The following PRIM2 variants were observed in gnomAD, a reference collection of about 807,000 sequenced individuals.
PRIM2 encodes DNA primase large subunit.
Under a neutral mutation model 67.3 loss-of-function variants are expected in PRIM2, and 39 were observed. That is an observed-to-expected ratio of 0.58 (90% CI 0.45 to 0.76). PRIM2 has a LOEUF of 0.76. PRIM2 is among the 30% of genes least tolerant of loss of function. The probability of loss-of-function intolerance (pLI) is 0.00; values close to 1 mark genes in which losing one functional copy is unlikely to be tolerated. For synonymous variants in PRIM2, 143 were observed against 198.7 expected, an observed-to-expected ratio of 0.72 and a Z score of 2.36; for missense variants, 398 against 598.7, an observed-to-expected ratio of 0.66 and a Z score of 3.50.
In PRIM2 at chr6:57,638,692, A is replaced by G. The variant is rs1401679589; in HGVS notation, c.1299+6491A>G. ...GCATTACATAATGGTAAAGGGATCA[A>G]TGCAAAAAGAAGAGCTAACTATCCT... On this transcript the variant is annotated intron_variant, in intron 13 of 13. Transcript: ENST00000615550. Among the ~76,000 whole-genome samples, 4 of 152,116 alleles carry G rather than the reference A, an allele frequency of 2.6e-5. No individual in the cohort carries two copies. In the East Asian group the frequency reaches 7.7e-4, roughly 29 times the overall value.
the PRIM2 span, among the ~76,000 whole-genome samples, chr6:57,240,091 G>GTTTTTTTTTTTTTTT: frequency 1.6e-4 from 14 of 90,004 alleles, 1 homozygote; most frequent in African/African-American, 6.2e-4. Context: ...TCAATAATCT[G>GTTTTTTTTTTTTTTT]TTTTTTTTTT....
chr6:57,296,732 C>T, the PRIM2 span, among the ~76,000 whole-genome samples: 1 of 151,970 alleles, frequency 6.6e-6, no homozygotes, highest in African/African-American at 2.4e-5. Flanking sequence ...CACTACTGTA[C>T]CAACGAGCAT....
chr6:57,382,532 G>A (rs2127338530), intron 7 of PRIM2: 1 of 163,140 alleles, frequency 6.1e-6, no homozygotes, highest in South Asian at 1.9e-4. Flanking sequence ...TTTCTGTTCT[G>A]AATTAGTATT....
At position 57,418,383 on chromosome 6, in the gene PRIM2, G is replaced by GGTTTTTTT. The variant is rs1554336216; in HGVS notation, c.693+36215_693+36216insGTTTTTTT. Among the ~76,000 whole-genome samples the GGTTTTTTT allele has an allele frequency of 4.4e-3, 209 of 47,238 alleles. 51 individuals are homozygous for GGTTTTTTT. Among genetic ancestry groups the GGTTTTTTT allele is most frequent in the Non-Finnish European group, 7.2e-3 (169 of 23,324 alleles). 31.0% of individuals were successfully genotyped at this position (47,238 alleles called of 152,430 possible). On this transcript the variant is annotated intron_variant, in intron 7 of 13. Transcript: ENST00000615550. ...TAAGGTAATGTTTCCTATGTGTGTG[G>GGTTTTTTT]TTTTTTTTTTTTTTTTTTTTTTTTT...
chr6:57,354,925 C>G (rs1768976085), intron 5 of PRIM2, among the ~76,000 whole-genome samples: 1 of 152,222 alleles, frequency 6.6e-6, no homozygotes, highest in Non-Finnish European at 1.5e-5. Context: ...TTTCCTGGCT[C>G]TTTTTTCTTC....
At chr6:57,617,019 C>T (rs1776768304) in intron 12 of PRIM2, among the ~76,000 whole-genome samples, 1 of 152,302 alleles carries the variant, frequency 6.6e-6, no homozygotes, top group African/African-American at 2.4e-5. Context: ...TTGATGGACA[C>T]TGGGTTGTTT....
At chr6:57,296,318 T>C in the PRIM2 span, among the ~76,000 whole-genome samples, 1,487 of 151,798 alleles carry the variant, frequency 9.8e-3, 15 homozygotes, top group Middle Eastern at 0.027. Flanking sequence ...ATGGCAATTC[T>C]GCATCTACTT....
At chr6:57,510,468 A>G (rs1554347608) in intron 8 of PRIM2, among the ~76,000 whole-genome samples, 6 of 152,146 alleles carry the variant, frequency 3.9e-5, no homozygotes, top group Admixed American at 3.9e-4. Context: ...GAGTATGGTA[A>G]TTGCCAGCTA....
intron 5 of PRIM2, among the ~76,000 whole-genome samples, chr6:57,368,145 A>G (rs1769427181): frequency 6.6e-6 from 1 of 152,204 alleles, no homozygotes; most frequent in Non-Finnish European, 1.5e-5. Context: ...TCACAGTTTT[A>G]ATTTCTTTAT....
intron 9 of PRIM2, among the ~76,000 whole-genome samples, chr6:57,535,952 T>C (rs1466723227): frequency 4.7e-4 from 72 of 152,284 alleles, no homozygotes; most frequent in African/African-American, 1.7e-3. Context: ...ATGTTGAATA[T>C]TGATTGTATG....
intron 12 of PRIM2, among the ~76,000 whole-genome samples, chr6:57,631,062 A>G (rs1777030862): frequency 6.6e-6 from 1 of 152,202 alleles, no homozygotes; most frequent in Non-Finnish European, 1.5e-5. Context: ...TAAGACAATC[A>G]GAGAAAAACA....
At chr6:57,304,062 G>A in the PRIM2 span, among the ~76,000 whole-genome samples, 2 of 152,154 alleles carry the variant, frequency 1.3e-5, no homozygotes, top group Non-Finnish European at 2.9e-5. Flanking sequence ...ATGCTTACCA[G>A]TACATTTTAA....
intron 5 of PRIM2, among the ~76,000 whole-genome samples, chr6:57,365,852 G>A (rs2127318003): frequency 6.7e-6 from 1 of 149,086 alleles, no homozygotes; most frequent in East Asian, 2.0e-4. Flanking sequence ...GTAATCCCAG[G>A]CTATTTGGGA....
the PRIM2 span, among the ~76,000 whole-genome samples, chr6:57,229,461 T>C: frequency 1.3e-5 from 2 of 151,174 alleles, no homozygotes; most frequent in Non-Finnish European, 2.9e-5. Context: ...TTTTAATCTT[T>C]TTTTGCATTA....
chr6:57,247,609 GA>G, the PRIM2 span, among the ~76,000 whole-genome samples: 4 of 152,212 alleles, frequency 2.6e-5, no homozygotes, highest in Non-Finnish European at 5.9e-5. Context: ...CTGCAGAAGA[GA>G]TGCAAATGTT....
Position 57,442,595 on chromosome 6 carries a change from A to C in PRIM2, c.693+60427A>C, listed in dbSNP as rs9475956. ...CCTCCTTTTGTCACCTAATTTAATC[A>C]TGGTGGTATTTTTTTGGTTCTGTCA... On this transcript the variant is annotated intron_variant, in intron 7 of 13. Coordinates refer to ENST00000615550, the MANE Select transcript of PRIM2 (RefSeq NM_000947.5). Among the ~76,000 whole-genome samples the C allele has an allele frequency of 3.3e-5, 5 of 152,202 alleles. No homozygotes were observed. The South Asian group carries it at 8.3e-4, about 25-fold the overall frequency.
chr6:57,412,584 A>G, intron 7 of PRIM2, among the ~76,000 whole-genome samples: 1 of 151,942 alleles, frequency 6.6e-6, no homozygotes, highest in Non-Finnish European at 1.5e-5. Flanking sequence ...AGCTGGTTCA[A>G]CTCTTCAATT....
chr6:57,628,930 G>A (rs1252403997), intron 12 of PRIM2, among the ~76,000 whole-genome samples: 100 of 152,138 alleles, frequency 6.6e-4, no homozygotes, highest in South Asian at 2.1e-3. Context: ...CTTGGATTTT[G>A]GTGTTTGCCA....
At chr6:57,555,806 A>G (rs1775503494) in intron 10 of PRIM2, among the ~76,000 whole-genome samples, 1 of 152,160 alleles carries the variant, frequency 6.6e-6, no homozygotes, top group African/African-American at 2.4e-5. Context: ...AAATAAAAAC[A>G]AAATATTGAA....
Sources: allele counts gnomAD v4.1 joint callset (sites outside exome capture counted in the v4.1 genomes callset), GRCh38; gene constraint gnomAD v4.1.1; transcripts MANE v1.5; gene names NCBI Gene and HGNC (gene_info 2026-07-23, HGNC 2026-07-21).